The following RSPH3 variants were observed in gnomAD, a reference collection of about 807,000 sequenced individuals.
The protein encoded by RSPH3 is radial spoke head protein 3 homolog.
A neutral mutation model predicts 43.8 loss-of-function variants in RSPH3; 21 were observed. That is an observed-to-expected ratio of 0.48 (90% CI 0.34 to 0.69). The LOEUF is 0.69. Among genes scored for constraint, RSPH3 ranks in the 30% least tolerant of loss-of-function variants. The pLI is 0.01. For missense variants in RSPH3, 487 were observed against 516.0 expected (o/e 0.94, Z 0.54); for synonymous variants, 173 against 179.8 (o/e 0.96, Z 0.30).
At chr6:158,980,981 C>G in intron 5 of RSPH3, 45 bp from the exon 6 acceptor site, 1 of 1,593,850 alleles carries the variant, frequency 6.3e-7, no homozygotes, top group Non-Finnish European at 8.6e-7. Context: ...TATGCCCTCC[C>G]CAAGTGCTGA....
At chr6:158,967,639 T>C in the RSPH3 span, among the ~76,000 whole-genome samples, 1 of 152,226 alleles carries the variant, frequency 6.6e-6, no homozygotes, top group East Asian at 1.9e-4. Context: ...TTTTCTTTGC[T>C]GATCTTCTCC....
At chr6:158,993,279 AG>A (rs1778480117) in intron 2 of RSPH3, among the ~76,000 whole-genome samples, 1 of 151,970 alleles carries the variant, frequency 6.6e-6, no homozygotes, top group South Asian at 2.1e-4. Flanking sequence ...CACCACACCC[AG>A]CTAATTTTTG....
chr6:158,996,310 A>G (rs1410986065), intron 1 of RSPH3, among the ~76,000 whole-genome samples: 1 of 152,224 alleles, frequency 6.6e-6, no homozygotes, highest in Non-Finnish European at 1.5e-5. Context: ...ATGATCACCC[A>G]ACTACCAAGA....
Position 158,986,334 on chromosome 6 carries a change from T to C in RSPH3, c.292A>G (p.Arg98Gly). ...LARKQAQEQL[R>G]PQTPEPVEGR... ...TCCACAGGTTCAGGTGTTTGTGGTCTGAGCTGCTCTTGGGCTTGTTTTCTG... is the reference window on the plus strand; with the variant it reads ...TCCACAGGTTCAGGTGTTTGTGGTCCGAGCTGCTCTTGGGCTTGTTTTCTG... The change falls in exon 3 of 8, where the codon AGA (arginine) becomes GGA (glycine). Residue 98 changes from arginine to glycine, a missense_variant. By Grantham distance (125) the Arg-to-Gly change is moderately radical. Coordinates refer to ENST00000367069, the MANE Select transcript of RSPH3 (RefSeq NM_031924.8). The C allele has an allele frequency of 1.9e-6, 3 of 1,614,172 alleles. No homozygotes were observed. Among genetic ancestry groups the C allele is most frequent in the Non-Finnish European group, 2.5e-6 (3 of 1,179,972 alleles).
At chr6:158,965,877 T>C in the RSPH3 span, among the ~76,000 whole-genome samples, 1 of 152,100 alleles carries the variant, frequency 6.6e-6, no homozygotes, top group Non-Finnish European at 1.5e-5. Context: ...TTAAGTATTA[T>C]GTTGTGGAAT....
chr6:158,967,071 A>G, the RSPH3 span, among the ~76,000 whole-genome samples: 2,700 of 151,888 alleles, frequency 0.018, 33 homozygotes, highest in Middle Eastern at 0.024. Context: ...GTGCAGTGGT[A>G]TGATCATGCA....
chr6:159,000,043 G>A lies in RSPH3; in HGVS notation c.-493C>T, dbSNP rs185887960. 14 of 1,462,478 alleles carry A rather than the reference G, an allele frequency of 9.6e-6. No individual in the cohort carries two copies. The highest frequency in any genetic ancestry group is 1.3e-5 in the Non-Finnish European group (14 of 1,092,678). 90.6% of individuals were successfully genotyped at this position (1,462,478 alleles called of 1,614,324 possible). A position where few individuals can be genotyped will look rare whatever the true frequency, so the allele number is the denominator to read the frequency against. On this transcript the variant is annotated 5_prime_UTR_variant, in exon 1 of 8. Coordinates refer to ENST00000367069, the MANE Select transcript of RSPH3 (RefSeq NM_031924.8). ...CTTTGGAATGTGGCTTTGCAGGGCT[G>A]GTGTTGGCGCCATTCTCGCAGGCCC...
chr6:158,999,102 T>C (rs1583734937), intron 1 of RSPH3, among the ~76,000 whole-genome samples: 1 of 152,230 alleles, frequency 6.6e-6, no homozygotes, highest in East Asian at 1.9e-4. Flanking sequence ...AGAAAACGTA[T>C]TTGAATGCCC....
In RSPH3 at chr6:158,999,807, T is replaced by C. The variant is rs1583737660; in HGVS notation, c.-257A>G. On this transcript the variant is annotated 5_prime_UTR_variant, in exon 1 of 8. Coordinates refer to ENST00000367069, the MANE Select transcript of RSPH3 (RefSeq NM_031924.8). Reference sequence around the variant, plus strand: ...GGTTGCCCAGCAACCCAGGGTTCTGTCTGGGGGCGGGAACTCCGGGCAGTT... The same window carrying C: ...GGTTGCCCAGCAACCCAGGGTTCTGCCTGGGGGCGGGAACTCCGGGCAGTT... 1 of 1,613,498 alleles carries C rather than the reference T, an allele frequency of 6.2e-7. No individual in the cohort carries two copies. Among genetic ancestry groups the C allele is most frequent in the Non-Finnish European group, 8.5e-7 (1 of 1,179,762 alleles).
downstream of RSPH3, among the ~76,000 whole-genome samples, chr6:158,969,821 C>T (rs939834774): frequency 3.3e-5 from 5 of 152,322 alleles, no homozygotes; most frequent in East Asian, 7.7e-4. Flanking sequence ...TCAATTATTG[C>T]ACTTTTCAAT....
intron 4 of RSPH3, 127 bp downstream of exon 4, chr6:158,983,535 T>C (rs1212430118): frequency 9.2e-6 from 7 of 762,172 alleles, no homozygotes; most frequent in Admixed American, 2.1e-5. Flanking sequence ...ATAGATAATA[T>C]CTGGAAAGAA....
In RSPH3 at chr6:158,999,370, GC is replaced by G; in HGVS notation, c.116+64del. The G allele has an allele frequency of 2.1e-6, 3 of 1,415,002 alleles. No individual in the cohort carries two copies. In the South Asian group the frequency reaches 4.5e-5, roughly 21 times the overall value. 87.7% of individuals were successfully genotyped at this position (1,415,002 alleles called of 1,614,324 possible). On this transcript the variant is annotated intron_variant, in intron 1 of 7. Transcript: ENST00000367069. ...GCAGCTTTTTTGCCAGGGCGAAGGG[GC>G]CAGACCCCGGCCTGGGGATGGGGTG...
rs55999313 is a variant in RSPH3, at chr6:158,984,434, T to TTATATATATATATA, written c.347-641_347-628dup. 1.4e-3 allele frequency among the ~76,000 whole-genome samples: 86 copies of TTATATATATATATA among 63,622 alleles called. 1 individual carries two copies. The highest frequency in any genetic ancestry group is 2.9e-3 in the African/African-American group (36 of 12,276). 41.7% of individuals were successfully genotyped at this position (63,622 alleles called of 152,430 possible). On this transcript the variant is annotated intron_variant, in intron 3 of 7. Transcript: ENST00000367069. ...AGTACAACAGTGGATAAAAAGTCAA[T>TTATATATATATATA]TATATATATATATATATATATATAT...
intron 3 of RSPH3, among the ~76,000 whole-genome samples, chr6:158,985,184 C>T (rs1034444160): frequency 2.5e-4 from 38 of 152,302 alleles, no homozygotes; most frequent in African/African-American, 9.1e-4. Flanking sequence ...AATCCTGGCA[C>T]CTGTCTCAGG....
At chr6:158,996,370 G>A (rs1292820642) in intron 1 of RSPH3, among the ~76,000 whole-genome samples, 2 of 152,166 alleles carry the variant, frequency 1.3e-5, no homozygotes, top group Admixed American at 6.5e-5. Flanking sequence ...GAGAAGACTA[G>A]TATTCAAATG....
At position 158,999,999 on chromosome 6, in the gene RSPH3, G is replaced by A. The variant is rs760519029; in HGVS notation, c.-449C>T. 1.5e-5 allele frequency: 24 copies of A among 1,555,586 alleles called. No homozygotes were observed. The highest frequency in any genetic ancestry group is 2.0e-5 in the Non-Finnish European group (23 of 1,150,408). On this transcript the variant is annotated 5_prime_UTR_variant, in exon 1 of 8. Transcript: ENST00000367069. ...CATCCTTGAGGCCTGCGGGGCAACG[G>A]TGGCTGTCCTTGGCCCGGCTTTGGA...
chr6:158,984,830 T>C (rs1259637518), intron 3 of RSPH3, among the ~76,000 whole-genome samples: 1 of 152,074 alleles, frequency 6.6e-6, no homozygotes, highest in Non-Finnish European at 1.5e-5. Context: ...TCTGAGGAAA[T>C]AGCCAAAAAA....
At position 158,978,186 on chromosome 6, in the gene RSPH3, T is replaced by C. The variant is rs562336551; in HGVS notation, c.946+74A>G. On this transcript the variant is annotated intron_variant, in intron 7 of 7. Transcript: ENST00000367069. Reference sequence around the variant, plus strand: ...TTAAATATTCAAACTGTAAAATTAATCTTTCTTTCAGTTATTCAATTTATT... The same window carrying C: ...TTAAATATTCAAACTGTAAAATTAACCTTTCTTTCAGTTATTCAATTTATT... 186 of 810,496 alleles carry C rather than the reference T, an allele frequency of 2.3e-4. 8 individuals carry two copies. Among genetic ancestry groups the C allele is most frequent in the South Asian group, 1.9e-3 (125 of 64,288 alleles). 50.2% of individuals were successfully genotyped at this position (810,496 alleles called of 1,614,324 possible). A position where few individuals can be genotyped will look rare whatever the true frequency, so the allele number is the denominator to read the frequency against.
rs1184534425 is a variant in RSPH3, at chr6:158,976,752, A to G, written c.*786T>C. ...CTTAAGCCTTACTTGAATATTGAAG[A>G]TGGTCCTTGCAGGAAGGGAGCACTG... On this transcript the variant is annotated 3_prime_UTR_variant, in exon 8 of 8. Transcript: ENST00000367069. 6.6e-6 allele frequency: 1 copy of G among 152,172 alleles called. No individual in the cohort carries two copies. Among genetic ancestry groups the G allele is most frequent in the African/African-American group, 2.4e-5 (1 of 41,438 alleles). 9.4% of individuals were successfully genotyped at this position (152,172 alleles called of 1,614,324 possible).
Sources: gnomAD v4.1 joint callset for allele counts (sites outside exome capture counted in the v4.1 genomes callset) on GRCh38, gnomAD v4.1.1 for gene constraint, MANE v1.5 for transcripts, NCBI Gene and HGNC (gene_info 2026-07-23, HGNC 2026-07-21) for gene names.